Variants in RASEF observed in about 807,000 individuals in gnomAD.
RASEF encodes the protein ras and EF-hand domain-containing protein.
Under a neutral mutation model 90.1 loss-of-function variants are expected in RASEF, and 68 were observed. The ratio of observed to expected loss-of-function variants is 0.75; its 90% CI spans 0.62 to 0.92. The LOEUF (loss-of-function observed/expected upper bound fraction) is 0.92, where lower values mean the gene tolerates loss of function less well. Among genes scored for constraint, RASEF ranks in the 40% least tolerant of loss-of-function variants. The pLI is 0.00. For synonymous variants in RASEF, 331 were observed against 345.2 expected (o/e 0.96, Z 0.46); for missense variants, 949 against 937.2 (o/e 1.01, Z -0.16).
At chr9:83,067,956 G>T (rs1830295531), upstream of RASEF, among the ~76,000 whole-genome samples, 1 of 152,106 alleles carries the variant, frequency 6.6e-6, no homozygotes, top group South Asian at 2.1e-4. Flanking sequence ...GCTCACTGCA[G>T]CCTCAACCTC....
intron 1 of RASEF, among the ~76,000 whole-genome samples, chr9:83,043,012 C>T (rs1054624137): frequency 1.3e-5 from 2 of 152,126 alleles, no homozygotes; most frequent in African/African-American, 2.4e-5. Flanking sequence ...TACTACCTCC[C>T]GGGATAAAGC....
At chr9:83,034,666 C>T (rs73469465) in intron 1 of RASEF, among the ~76,000 whole-genome samples, 2 of 152,150 alleles carry the variant, frequency 1.3e-5, no homozygotes, top group Non-Finnish European at 2.9e-5. Context: ...ATCATGCTGA[C>T]GCTTTACTGC....
At chr9:83,067,537 C>G (rs1830291981), upstream of RASEF, among the ~76,000 whole-genome samples, 1 of 152,172 alleles carries the variant, frequency 6.6e-6, no homozygotes, top group Admixed American at 6.5e-5. Flanking sequence ...AGAGACCCAG[C>G]TGAACTTCCC....
rs914547137 is a variant in RASEF, at chr9:83,063,024, A to T, written c.-157T>A. 10 of 767,692 alleles carry T rather than the reference A, an allele frequency of 1.3e-5. No individual in the cohort carries two copies. In the Admixed American group the frequency reaches 2.5e-4, roughly 20 times the overall value. 47.6% of individuals were successfully genotyped at this position (767,692 alleles called of 1,614,324 possible). A position where few individuals can be genotyped will look rare whatever the true frequency, so the allele number is the denominator to read the frequency against. On this transcript the variant is annotated 5_prime_UTR_variant, in exon 1 of 17. Transcript: ENST00000376447. Reference sequence around the variant, plus strand: ...GAGGGAACGTCGGGCGGGGCGAGGAACGTCGGGGGTGGCCGAGCGGCTCCC... The same window carrying T: ...GAGGGAACGTCGGGCGGGGCGAGGATCGTCGGGGGTGGCCGAGCGGCTCCC...
At chr9:83,056,940 A>G (rs1257635739) in intron 1 of RASEF, among the ~76,000 whole-genome samples, 1 of 152,236 alleles carries the variant, frequency 6.6e-6, no homozygotes, top group Non-Finnish European at 1.5e-5. Context: ...TCTAAGGACT[A>G]GAAGTCCAAA....
In RASEF at chr9:82,981,022, C is replaced by T. The variant is rs940944909; in HGVS notation, c.*1655G>A. The stretch of plus-strand genomic sequence containing the variant: ...TTCCCATTTTTTCAAAAAACTGATG[C>T]TTGCGGAATTTAAGGTTCTATCACA... On this transcript the variant is annotated 3_prime_UTR_variant, in exon 17 of 17. Coordinates refer to ENST00000376447, the MANE Select transcript of RASEF (RefSeq NM_152573.4). 5 of 152,144 alleles carry T rather than the reference C, an allele frequency of 3.3e-5. No individual in the cohort carries two copies. Among genetic ancestry groups the T allele is most frequent in the African/African-American group, 1.2e-4 (5 of 41,436 alleles). The allele number at this position is 152,144 out of a possible 1,614,324, so 9.4% of individuals were successfully genotyped here.
intron 1 of RASEF, among the ~76,000 whole-genome samples, chr9:83,061,713 G>C (rs537415166): frequency 1.6e-4 from 25 of 152,320 alleles, no homozygotes; most frequent in African/African-American, 5.8e-4. Flanking sequence ...TGTCAGAGCA[G>C]TAAGAGCAGA....
the RASEF span, among the ~76,000 whole-genome samples, chr9:83,074,510 A>T: frequency 1.3e-5 from 2 of 152,202 alleles, no homozygotes. Context: ...TATCCAGCCC[A>T]TGACCCACTA....
At chr9:83,165,394 T>A in the RASEF span, among the ~76,000 whole-genome samples, 3 of 152,252 alleles carry the variant, frequency 2.0e-5, no homozygotes, top group African/African-American at 7.2e-5. Flanking sequence ...CATAACACAT[T>A]TATAAATATC....
the RASEF span, among the ~76,000 whole-genome samples, chr9:83,126,350 G>C: frequency 1.3e-5 from 2 of 152,262 alleles, no homozygotes; most frequent in African/African-American, 4.8e-5. Flanking sequence ...GCCCAAAAGA[G>C]AGCCCTCATC....
At position 83,062,834 on chromosome 9, in the gene RASEF, G is replaced by T. The variant is rs765429973; in HGVS notation, c.34C>A (p.Arg12=). 1 of 1,545,968 alleles carries T rather than the reference G, an allele frequency of 6.5e-7. No homozygotes were observed. Among genetic ancestry groups the T allele is most frequent in the South Asian group, 1.2e-5 (1 of 84,052 alleles). ...EADGDGEELA[R]LRSVFAACDA... ...CAGGCGGCGAAGACTGAGCGCAGCC[G>T]GGCCAGCTCCTCTCCGTCCCCATCC... The change falls in exon 1 of 17, where the codon CGG becomes AGG. Residue 12 remains arginine, a synonymous_variant. Coordinates refer to ENST00000376447, the MANE Select transcript of RASEF (RefSeq NM_152573.4).
At chr9:83,092,836 C>G in the RASEF span, among the ~76,000 whole-genome samples, 1 of 151,934 alleles carries the variant, frequency 6.6e-6, no homozygotes, top group African/African-American at 2.4e-5. Context: ...CTCCACCTCC[C>G]CATCAGATTA....
chr9:83,181,287 G>T, the RASEF span, among the ~76,000 whole-genome samples: 22,708 of 151,704 alleles, frequency 0.15, 2,031 homozygotes, highest in East Asian at 0.29. Context: ...GAAGGGCGGG[G>T]ATAGAATTGT....
the RASEF span, among the ~76,000 whole-genome samples, chr9:83,083,080 T>C: frequency 6.6e-5 from 10 of 152,194 alleles, no homozygotes; most frequent in African/African-American, 2.4e-4. Context: ...CTGCATCCTC[T>C]ATCTAATATA....
the RASEF span, among the ~76,000 whole-genome samples, chr9:83,158,955 G>A: frequency 6.6e-6 from 1 of 151,728 alleles, no homozygotes; most frequent in Admixed American, 6.6e-5. Context: ...GGGAGGCCGA[G>A]GCGGGTAGAT....
intron 1 of RASEF, among the ~76,000 whole-genome samples, chr9:83,042,805 G>A (rs1587517776): frequency 6.6e-6 from 1 of 152,114 alleles, no homozygotes; most frequent in East Asian, 1.9e-4. Context: ...TTCAAACAGT[G>A]CTTTTAAAAC....
At chr9:83,149,640 A>C in the RASEF span, among the ~76,000 whole-genome samples, 1 of 152,162 alleles carries the variant, frequency 6.6e-6, no homozygotes, top group Non-Finnish European at 1.5e-5. Flanking sequence ...AGTGGCTTTG[A>C]GTAAGGATCA....
At chr9:83,054,671 T>C (rs964801324) in intron 1 of RASEF, 5 of 145,038 alleles carry the variant, frequency 3.4e-5, no homozygotes, top group East Asian at 2.1e-4. Flanking sequence ...CCCATCTTTG[T>C]GGTTTTATCT....
At chr9:83,048,398 C>A in intron 1 of RASEF, 1 of 985,334 alleles carries the variant, frequency 1.0e-6, no homozygotes, top group Non-Finnish European at 1.2e-6. Flanking sequence ...CCTCGTGATT[C>A]TTGCTACTTT....
Sources: gnomAD v4.1 joint callset for allele counts (sites outside exome capture counted in the v4.1 genomes callset) on GRCh38, gnomAD v4.1.1 for gene constraint, MANE v1.5 for transcripts, NCBI Gene and HGNC (gene_info 2026-07-23, HGNC 2026-07-21) for gene names.